The following FHL5 variants were observed in gnomAD, a reference collection of about 807,000 sequenced individuals.
FHL5 encodes four and a half LIM domains protein 5.
FHL5 carries 33 observed loss-of-function variants against 32.0 expected under a neutral mutation model. The ratio of observed to expected loss-of-function variants is 1.03; its 90% CI spans 0.78 to 1.38. The LOEUF (loss-of-function observed/expected upper bound fraction) is 1.38, where lower values mean the gene tolerates loss of function less well. Ranked by LOEUF, FHL5 falls within the 40% of genes most tolerant of loss-of-function variation. The pLI, the probability that FHL5 is intolerant of heterozygous loss-of-function variation, is 0.00. For missense variants in FHL5, 336 were observed against 343.9 expected, an observed-to-expected ratio of 0.98 and a Z score of 0.18; for synonymous variants, 114 against 113.6, an observed-to-expected ratio of 1.00 and a Z score of -0.02.
intron 5 of FHL5, among the ~76,000 whole-genome samples, chr6:96,611,190 A>G (rs1032307643): frequency 2.0e-5 from 3 of 152,224 alleles, no homozygotes; most frequent in African/African-American, 7.2e-5. Context: ...TTTTAATTAA[A>G]TTCCACTATT....
At chr6:96,572,156 C>T (rs898297958) in intron 1 of FHL5, among the ~76,000 whole-genome samples, 1 of 152,180 alleles carries the variant, frequency 6.6e-6, no homozygotes, top group Non-Finnish European at 1.5e-5. Flanking sequence ...GCCACTTCAG[C>T]TCAGGCTTGA....
At chr6:96,594,545 T>C (rs2127968564) in intron 1 of FHL5, among the ~76,000 whole-genome samples, 2 of 152,004 alleles carry the variant, frequency 1.3e-5, no homozygotes, top group East Asian at 3.9e-4. Context: ...AATCTTTGGT[T>C]GAAGCTGACA....
At chr6:96,574,685 T>C (rs764700091) in intron 1 of FHL5, among the ~76,000 whole-genome samples, 12 of 152,174 alleles carry the variant, frequency 7.9e-5, no homozygotes, top group Non-Finnish European at 1.2e-4. Flanking sequence ...CATTCATATA[T>C]ATTTTTAAGA....
At chr6:96,564,220 T>A (rs1770305696) in intron 1 of FHL5, among the ~76,000 whole-genome samples, 1 of 152,168 alleles carries the variant, frequency 6.6e-6, no homozygotes, top group South Asian at 2.1e-4. Flanking sequence ...TAGCCCTCAT[T>A]TTATATCCAC....
Position 96,604,879 on chromosome 6 carries a change from G to A in FHL5, c.289G>A (p.Glu97Lys), listed in dbSNP as rs746100661. 4.3e-6 allele frequency: 7 copies of A among 1,612,740 alleles called. No individual in the cohort carries two copies. In the East Asian group the frequency reaches 1.6e-4, roughly 36 times the overall value. ...GCTGTGCACGGAGTGCTATTCTAAC[G>A]AGTGCTCCTCCAAGTGCTTCCACTG... ...RLLCTECYSN[E>K]CSSKCFHCKR... Residue 97 changes from glutamate to lysine, a missense_variant, in exon 3 of 6, where the codon GAG becomes AAG. By Grantham distance (56) the Glu-to-Lys change is moderately conservative. Transcript: ENST00000450218.
chr6:96,610,512 T>C, intron 4 of FHL5, 60 bp from the exon 5 acceptor site: 1 of 1,255,330 alleles, frequency 8.0e-7, no homozygotes, highest in Non-Finnish European at 1.1e-6. Flanking sequence ...AAAAGAATCA[T>C]GAAATGATCT....
At chr6:96,573,467 TCA>T (rs1770522047) in intron 1 of FHL5, among the ~76,000 whole-genome samples, 1 of 151,996 alleles carries the variant, frequency 6.6e-6, no homozygotes, top group South Asian at 2.1e-4. Flanking sequence ...GTAATTACAT[TCA>T]GTCTATTCAT....
At chr6:96,575,614 C>G (rs1372368518) in intron 1 of FHL5, among the ~76,000 whole-genome samples, 4 of 152,134 alleles carry the variant, frequency 2.6e-5, no homozygotes, top group Non-Finnish European at 5.9e-5. Context: ...GCCTTTTGCC[C>G]AGTTACTTAC....
At chr6:96,593,759 C>T (rs2983898) in intron 1 of FHL5, among the ~76,000 whole-genome samples, 11,132 of 152,032 alleles carry the variant, frequency 0.073, 657 homozygotes, top group African/African-American at 0.16. Context: ...AGCTCATCTA[C>T]GCTTTTCTCC....
intron 1 of FHL5, among the ~76,000 whole-genome samples, chr6:96,588,266 A>G (rs211187): frequency 0.47 from 71,155 of 152,066 alleles, 19,242 homozygotes; most frequent in African/African-American, 0.77. Context: ...GCTGGAGTGC[A>G]ATGGCACAAT....
Position 96,566,972 on chromosome 6 carries a change from G to A in FHL5, c.-13+3617G>A, listed in dbSNP as rs763979451. On this transcript the variant is annotated intron_variant, in intron 1 of 5. Transcript: ENST00000450218. ...CTCTGTTGACTGTTTCCTTTGCTGC[G>A]CAGAAGCTTTTTAGTTTGACATAAT... Among the ~76,000 whole-genome samples the A allele has an allele frequency of 7.2e-5, 11 of 151,814 alleles. 1 individual carries two copies.
At chr6:96,585,292 C>G (rs1229043285) in intron 1 of FHL5, among the ~76,000 whole-genome samples, 1 of 151,948 alleles carries the variant, frequency 6.6e-6, no homozygotes, top group Non-Finnish European at 1.5e-5. Flanking sequence ...AAGTACTTCC[C>G]TAAAGAAAAA....
intron 1 of FHL5, among the ~76,000 whole-genome samples, chr6:96,594,256 TATATATATATA>T (rs1562059671): frequency 1.5e-5 from 2 of 135,750 alleles, no homozygotes; most frequent in Non-Finnish European, 3.2e-5. Flanking sequence ...TATATATATA[TATATATATATA>T]TATATATGTA....
At chr6:96,571,287 G>A (rs1362346109) in intron 1 of FHL5, among the ~76,000 whole-genome samples, 1 of 152,206 alleles carries the variant, frequency 6.6e-6, no homozygotes, top group Non-Finnish European at 1.5e-5. Flanking sequence ...AACTGTGGGT[G>A]CCTCATAGCC....
intron 4 of FHL5, among the ~76,000 whole-genome samples, chr6:96,608,722 A>C (rs1476459258): frequency 6.6e-6 from 1 of 152,146 alleles, no homozygotes; most frequent in African/African-American, 2.4e-5. Flanking sequence ...CCACTTTTTC[A>C]CAGAACAAAC....
intron 1 of FHL5, among the ~76,000 whole-genome samples, chr6:96,593,426 G>A (rs1258165069): frequency 1.3e-5 from 2 of 152,114 alleles, no homozygotes; most frequent in Non-Finnish European, 2.9e-5. Flanking sequence ...CAGACAGGAT[G>A]TGTATTTATT....
chr6:96,579,077 C>T (rs564814849), intron 1 of FHL5, among the ~76,000 whole-genome samples: 24 of 152,044 alleles, frequency 1.6e-4, no homozygotes, highest in East Asian at 5.8e-4. Context: ...TGATAAAGAA[C>T]GGGAGACTCA....
intron 1 of FHL5, among the ~76,000 whole-genome samples, chr6:96,584,063 G>A (rs953325864): frequency 3.3e-5 from 5 of 151,990 alleles, no homozygotes; most frequent in South Asian, 2.1e-4. Flanking sequence ...ATCATGCTAC[G>A]CCTCCTGAGA....
intron 1 of FHL5, among the ~76,000 whole-genome samples, chr6:96,577,003 A>G (rs1486160813): frequency 1.3e-5 from 2 of 152,244 alleles, no homozygotes; most frequent in Non-Finnish European, 2.9e-5. Context: ...AGCCTCAAAC[A>G]TACAACTGCT....
Sources: gnomAD v4.1 joint callset for allele counts (sites outside exome capture counted in the v4.1 genomes callset) on GRCh38, gnomAD v4.1.1 for gene constraint, MANE v1.5 for transcripts, NCBI Gene and HGNC (gene_info 2026-07-23, HGNC 2026-07-21) for gene names.